ZNF717: variants seen among roughly 807,000 people sequenced by gnomAD.
ZNF717 encodes zinc finger protein 717, also known as krueppel-like factor X17.
Under a neutral mutation model 13.8 loss-of-function variants are expected in ZNF717, and 9 were observed. The observed-to-expected ratio is 0.65, with a 90% CI of 0.39 to 1.14. ZNF717 has a LOEUF of 1.14. Among genes scored for constraint, ZNF717 ranks in the 50% most tolerant of loss-of-function variants. The pLI, the probability that ZNF717 is intolerant of heterozygous loss-of-function variation, is 0.01. For synonymous variants in ZNF717, 327 were observed against 364.1 expected (o/e 0.90, Z 1.16); for missense variants, 1,040 against 1,080.7 (o/e 0.96, Z 0.53).
chr3:75,774,224 G>C (rs201243139), intron 2 of ZNF717, among the ~76,000 whole-genome samples: 1 of 143,530 alleles, frequency 7.0e-6, no homozygotes, highest in African/African-American at 2.5e-5. Flanking sequence ...GAGGCAGATT[G>C]TTTGGGAAGG....
rs62248779 is a variant in ZNF717 at position 75,720,402 on chromosome 3, A to G, written n.545-3861T>C. Among the ~76,000 whole-genome samples the G allele has an allele frequency of 2.6e-5, 4 of 152,190 alleles. No homozygotes were observed. The South Asian group carries it at 8.3e-4, about 32-fold the overall frequency. On this transcript the variant is annotated intron_variant and non_coding_transcript_variant, in intron 4 of 5. Transcript: ENST00000491507. ...ATGCAGAAACAGAAAACCAACTATC[A>G]CAGGTTCTCACTTATAAGTGGGAAT... is the stretch of plus-strand genomic sequence containing the variant.
Position 75,760,396 on chromosome 3 carries a change from A to C in ZNF717, c.58-18660T>G, listed in dbSNP as rs1942891201. ...CTGAGTTAAGAATGCTTAAAATATTATAAAAACAGAAGCACAATTCATTAT... is the reference window on the plus strand; with the variant it reads ...CTGAGTTAAGAATGCTTAAAATATTCTAAAAACAGAAGCACAATTCATTAT... On this transcript the variant is annotated intron_variant, in intron 2 of 4. Transcript: ENST00000652011. 2.0e-5 allele frequency among the ~76,000 whole-genome samples: 3 copies of C among 152,264 alleles called. No individual in the cohort carries two copies. In the South Asian group the frequency reaches 6.2e-4, roughly 31 times the overall value.
intron 3 of ZNF717, 94 bp downstream of exon 3, chr3:75,741,516 A>C: frequency 6.7e-7 from 1 of 1,485,732 alleles, no homozygotes; most frequent in Non-Finnish European, 9.2e-7. Flanking sequence ...ATCAACTGGA[A>C]GCTTACAAGT....
intron 2 of ZNF717, among the ~76,000 whole-genome samples, chr3:75,778,668 AAACC>A (rs1480796473): frequency 5.3e-5 from 8 of 151,954 alleles, no homozygotes; most frequent in South Asian, 2.1e-4. Flanking sequence ...GTGACGTGCT[AAACC>A]AAAAACCCAA....
chr3:75,719,518 A>G (rs1938126959), intron 4 of ZNF717, among the ~76,000 whole-genome samples: 2 of 152,220 alleles, frequency 1.3e-5, no homozygotes, highest in African/African-American at 4.8e-5. Flanking sequence ...CTTGACACAG[A>G]CATTGCTATA....
rs181756138 is a variant in ZNF717, at chr3:75,780,442, T to C, written c.57+2864A>G. 5.8e-3 allele frequency among the ~76,000 whole-genome samples: 881 copies of C among 152,300 alleles called. 10 individuals carry two copies. The highest frequency in any genetic ancestry group is 4.5e-3 in the Non-Finnish European group (309 of 68,020). Reference sequence around the variant, plus strand: ...TTTTCTGAGATAGAGTCTTGCTCTGTCCCCCAGAGTGGAGTGCAGTGGCAA... The same window carrying C: ...TTTTCTGAGATAGAGTCTTGCTCTGCCCCCCAGAGTGGAGTGCAGTGGCAA... On this transcript the variant is annotated intron_variant, in intron 2 of 4. Transcript: ENST00000652011.
intron 2 of ZNF717, among the ~76,000 whole-genome samples, chr3:75,773,943 G>A (rs966269988): frequency 2.6e-5 from 4 of 152,164 alleles, no homozygotes; most frequent in Admixed American, 2.6e-4. Flanking sequence ...CAGCTACTCA[G>A]GAGGCTGGGG....
At position 75,741,302 on chromosome 3, in the gene ZNF717, T is replaced by C; in HGVS notation, c.251A>G (p.Glu84Gly). ...LEQGAEPWIV[E>G]ETPNLRLSAV... ...TGAAAGTCTCAGGTTTGGGGTTTCT[T>C]CTACTATCCATGGCTCTGCTCCTTG... The change falls in exon 4 of 5, where the codon GAA becomes GGA. Residue 84 changes from glutamate (E) to glycine (G), a missense_variant. By Grantham distance (98) the Glu-to-Gly change is moderately conservative. Around this residue, in one of 3 missense-constraint regions of ZNF717, gnomAD observed 123 missense variants for 177.8 expected, o/e 0.69. Coordinates refer to ENST00000652011, the MANE Select transcript of ZNF717 (RefSeq NM_001290208.3). 1.3e-6 allele frequency: 2 copies of C among 1,549,128 alleles called. No homozygotes were observed. The highest frequency in any genetic ancestry group is 1.2e-5 in the South Asian group (1 of 83,998).
At chr3:75,778,960 CA>C (rs1219208678) in intron 2 of ZNF717, among the ~76,000 whole-genome samples, 2 of 151,274 alleles carry the variant, frequency 1.3e-5, no homozygotes, top group Non-Finnish European at 2.9e-5. Context: ...AACCGGAACC[CA>C]AAACAATGGG....
chr3:75,721,469 C>T (rs1402864562), intron 4 of ZNF717, among the ~76,000 whole-genome samples: 7 of 152,068 alleles, frequency 4.6e-5, no homozygotes, highest in Middle Eastern at 3.2e-3. Context: ...TCAGTAGAGA[C>T]GGGGTTTTGC....
At chr3:75,769,440 C>G (rs1943734439) in intron 2 of ZNF717, among the ~76,000 whole-genome samples, 1 of 152,154 alleles carries the variant, frequency 6.6e-6, no homozygotes, top group South Asian at 2.1e-4. Flanking sequence ...GCAGCCAACC[C>G]ACACCACCCT....
chr3:75,733,750 G>A (rs1486810231), downstream of ZNF717, among the ~76,000 whole-genome samples: 1 of 132,896 alleles, frequency 7.5e-6, no homozygotes, highest in Admixed American at 8.0e-5. Flanking sequence ...CTGCACTCCA[G>A]CCTGGGTGAC....
At chr3:75,755,883 A>G (rs1245309785) in intron 2 of ZNF717, among the ~76,000 whole-genome samples, 4 of 152,396 alleles carry the variant, frequency 2.6e-5, no homozygotes, top group African/African-American at 7.2e-5. Context: ...TAATCCAATG[A>G]TATCAATAAT....
downstream of ZNF717, chr3:75,729,922 T>A (rs1456598847): frequency 6.6e-6 from 1 of 152,248 alleles, no homozygotes; most frequent in African/African-American, 2.4e-5. Flanking sequence ...ATGTAAATAG[T>A]TGTGTTGTTT....
At chr3:75,730,390 T>C (rs1938457316) in exon 6 of ZNF717, 1 of 434,374 alleles carries the variant, frequency 2.3e-6, no homozygotes, top group Non-Finnish European at 4.0e-6. Context: ...TTGATGTCAA[T>C]TTGCTGTGCA....
In ZNF717 at chr3:75,755,020, C is replaced by T. The variant is rs150441060; in HGVS notation, c.58-13284G>A. Among the ~76,000 whole-genome samples the T allele has an allele frequency of 2.4e-3, 367 of 152,264 alleles. 1 individual carries two copies. The highest frequency in any genetic ancestry group is 4.4e-3 in the Non-Finnish European group (302 of 68,028). On this transcript the variant is annotated intron_variant, in intron 2 of 4. Transcript: ENST00000652011. Reference sequence around the variant, plus strand: ...TTCAACATTGCAGAAACTGTGAAAGCAAGAAGACAGTGAAATGGAAAATTC... The same window carrying T: ...TTCAACATTGCAGAAACTGTGAAAGTAAGAAGACAGTGAAATGGAAAATTC...
intron 6 of ZNF717, among the ~76,000 whole-genome samples, chr3:75,704,313 G>A (rs1448808777): frequency 6.6e-6 from 1 of 152,424 alleles, no homozygotes; most frequent in South Asian, 2.1e-4. Flanking sequence ...TTTTTGGTCT[G>A]TATCAGGACC....
intron 2 of ZNF717, among the ~76,000 whole-genome samples, chr3:75,770,133 T>C (rs560916802): frequency 1.3e-5 from 2 of 152,352 alleles, no homozygotes; most frequent in Admixed American, 1.3e-4. Flanking sequence ...CACAGGGGAC[T>C]GAACCTCACC....
intron 2 of ZNF717, among the ~76,000 whole-genome samples, chr3:75,761,101 A>C (rs1476928354): frequency 6.6e-6 from 1 of 152,222 alleles, no homozygotes; most frequent in Non-Finnish European, 1.5e-5. Context: ...GAAATAAAAA[A>C]TCCAAAGAGA....
Sources: allele counts gnomAD v4.1 joint callset (sites outside exome capture counted in the v4.1 genomes callset), GRCh38; gene constraint gnomAD v4.1.1; regional missense constraint gnomAD v4.1.1; transcripts MANE v1.5; gene names NCBI Gene and HGNC (gene_info 2026-07-23, HGNC 2026-07-21).